The following KCNMA1 variants were observed in gnomAD, a reference collection of about 807,000 sequenced individuals.
The protein encoded by KCNMA1 is potassium calcium-activated channel subfamily M alpha 1, also known as Calcium-activated potassium channel subunit alpha-1.
A neutral mutation model predicts 140.0 loss-of-function variants in KCNMA1; 29 were observed. The ratio of observed to expected loss-of-function variants is 0.21; its 90% CI spans 0.15 to 0.28. KCNMA1 has a LOEUF of 0.28. KCNMA1 is among the 10% of genes least tolerant of loss of function. The probability of loss-of-function intolerance (pLI) is 1.00; values close to 1 mark genes in which losing one functional copy is unlikely to be tolerated. For synonymous variants in KCNMA1, 612 were observed against 611.9 expected (o/e 1.00, Z 0.00); for missense variants, 880 against 1,602.2 (o/e 0.55, Z 7.70).
chr10:77,302,137 G>T (rs923402464), intron 2 of KCNMA1, among the ~76,000 whole-genome samples: 13 of 152,092 alleles, frequency 8.5e-5, no homozygotes, highest in African/African-American at 3.1e-4. Context: ...AGGTCACAAA[G>T]ATAGTAAACA....
intron 2 of KCNMA1, among the ~76,000 whole-genome samples, chr10:77,311,022 T>C (rs637897): frequency 0.84 from 126,809 of 151,854 alleles, 53,127 homozygotes; most frequent in Middle Eastern, 0.9. Context: ...ACACCATTTT[T>C]GGCCACAGCT....
rs577080638 is a variant in KCNMA1 at position 77,612,442 on chromosome 10, T to C, written c.378+24823A>G. Reference sequence around the variant, plus strand: ...GCAAAAAGAGATCAAGATCCATGAATATTCATCTTCCTCTCCCTTCTGGTG... The same window carrying C: ...GCAAAAAGAGATCAAGATCCATGAACATTCATCTTCCTCTCCCTTCTGGTG... On this transcript the variant is annotated intron_variant, in intron 1 of 27. Coordinates refer to ENST00000286628, the MANE Select transcript of KCNMA1 (RefSeq NM_001161352.2). Among the ~76,000 whole-genome samples the C allele has an allele frequency of 2.0e-5, 3 of 152,324 alleles. No individual in the cohort carries two copies. In the East Asian group the frequency reaches 5.8e-4, roughly 29 times the overall value.
chr10:77,363,211 A>G (rs1555240213), intron 2 of KCNMA1, among the ~76,000 whole-genome samples: 1 of 152,096 alleles, frequency 6.6e-6, no homozygotes, highest in Non-Finnish European at 1.5e-5. Context: ...TCCAATCAAT[A>G]GTGGAATGAA....
chr10:77,182,963 CTA>C (rs1469674556), intron 5 of KCNMA1, among the ~76,000 whole-genome samples: 1 of 152,166 alleles, frequency 6.6e-6, no homozygotes, highest in Non-Finnish European at 1.5e-5. Flanking sequence ...TCTCCCTGCC[CTA>C]CAAAGAACCT....
At chr10:76,969,857 C>T (rs899574445) in intron 20 of KCNMA1, 117 bp downstream of exon 20, 3 of 782,034 alleles carry the variant, frequency 3.8e-6, no homozygotes, top group African/African-American at 3.4e-5. Context: ...CGCTCCCCTC[C>T]CCCACCCCGG....
chr10:77,024,016 T>C (rs2093149276), intron 16 of KCNMA1, among the ~76,000 whole-genome samples: 1 of 152,180 alleles, frequency 6.6e-6, no homozygotes. Flanking sequence ...AGAAATGGCA[T>C]TTTCAAATAT....
intron 9 of KCNMA1, among the ~76,000 whole-genome samples, chr10:77,103,560 G>T (rs1014559036): frequency 6.6e-6 from 1 of 152,212 alleles, no homozygotes; most frequent in African/African-American, 2.4e-5. Context: ...TCCAAGTTTA[G>T]CAGATCACTA....
chr10:77,084,530 G>T, intron 12 of KCNMA1, 107 bp downstream of exon 12: 2 of 856,912 alleles, frequency 2.3e-6, no homozygotes, highest in South Asian at 1.4e-5. Context: ...AGTGGCTTGT[G>T]GGGCAAAAAG....
intron 2 of KCNMA1, among the ~76,000 whole-genome samples, chr10:77,349,294 C>T (rs2092587389): frequency 6.6e-6 from 1 of 152,150 alleles, no homozygotes; most frequent in African/African-American, 2.4e-5. Flanking sequence ...CATCTATGAA[C>T]CAGACAGCGG....
Position 76,907,697 on chromosome 10 carries a change from C to T in KCNMA1, c.3147+2269G>A, listed in dbSNP as rs964683326. 1.6e-4 allele frequency among the ~76,000 whole-genome samples: 24 copies of T among 152,246 alleles called. 1 individual carries two copies. The highest frequency in any genetic ancestry group is 8.3e-4 in the South Asian group (4 of 4,822). On this transcript the variant is annotated intron_variant, in intron 25 of 27. Transcript: ENST00000286628. The stretch of plus-strand genomic sequence containing the variant: ...GGGATTACAGGTGCACACCACCACA[C>T]CCAGCTAATTTTTTTATATTTTTAG...
At chr10:77,544,568 A>G (rs1352065715) in intron 1 of KCNMA1, among the ~76,000 whole-genome samples, 2 of 152,192 alleles carry the variant, frequency 1.3e-5, no homozygotes, top group Non-Finnish European at 2.9e-5. Flanking sequence ...TCTTCTAGTA[A>G]TAATATCCAC....
chr10:77,630,652 G>C (rs780717136), intron 1 of KCNMA1, among the ~76,000 whole-genome samples: 1 of 152,156 alleles, frequency 6.6e-6, no homozygotes, highest in African/African-American at 2.4e-5. Flanking sequence ...TGGACTGCAC[G>C]GAGGCTGAGG....
intron 1 of KCNMA1, among the ~76,000 whole-genome samples, chr10:77,543,610 T>G (rs1228617608): frequency 6.6e-6 from 1 of 152,148 alleles, no homozygotes; most frequent in Non-Finnish European, 1.5e-5. Context: ...ATATATTCAA[T>G]GAATTCAGAA....
At chr10:77,489,906 A>G (rs1420100168) in intron 1 of KCNMA1, among the ~76,000 whole-genome samples, 1 of 152,214 alleles carries the variant, frequency 6.6e-6, no homozygotes, top group East Asian at 1.9e-4. Context: ...TGTGCTGCCT[A>G]ACCTCAGCAA....
intron 2 of KCNMA1, among the ~76,000 whole-genome samples, chr10:77,394,324 A>G (rs2095954948): frequency 1.3e-5 from 2 of 152,198 alleles, no homozygotes; most frequent in Admixed American, 1.3e-4. Flanking sequence ...ACCAGCTAGT[A>G]AAATTAACAG....
intron 1 of KCNMA1, among the ~76,000 whole-genome samples, chr10:77,484,262 G>A (rs889221514): frequency 1.3e-5 from 2 of 152,186 alleles, no homozygotes; most frequent in African/African-American, 2.4e-5. Context: ...CACTTATCCC[G>A]TTACGTGGGT....
intron 1 of KCNMA1, among the ~76,000 whole-genome samples, chr10:77,606,503 G>A (rs2154567191): frequency 6.6e-6 from 1 of 152,292 alleles, no homozygotes; most frequent in South Asian, 2.1e-4. Context: ...CTAGCTACTT[G>A]GGAGGCTGAT....
chr10:77,316,131 T>G (rs904288145), intron 2 of KCNMA1, among the ~76,000 whole-genome samples: 3 of 152,164 alleles, frequency 2.0e-5, no homozygotes, highest in African/African-American at 2.4e-5. Context: ...ATTTTCCACT[T>G]GACTGGACCA....
chr10:76,932,176 G>A (rs1274890505), intron 23 of KCNMA1, among the ~76,000 whole-genome samples: 1 of 152,102 alleles, frequency 6.6e-6, no homozygotes, highest in African/African-American at 2.4e-5. Flanking sequence ...GCATATTTAT[G>A]ACAATATTTT....
Sources: allele counts gnomAD v4.1 joint callset (sites outside exome capture counted in the v4.1 genomes callset), GRCh38; gene constraint gnomAD v4.1.1; transcripts MANE v1.5; gene names NCBI Gene and HGNC (gene_info 2026-07-23, HGNC 2026-07-21).